PKNOX2: variants seen among roughly 807,000 people sequenced by gnomAD.
The protein encoded by PKNOX2 is PBX/knotted 1 homeobox 2.
Under a neutral mutation model 53.1 loss-of-function variants are expected in PKNOX2, and 14 were observed. The ratio of observed to expected loss-of-function variants is 0.26; its 90% CI spans 0.17 to 0.41. The LOEUF (loss-of-function observed/expected upper bound fraction) is 0.41, where lower values mean the gene tolerates loss of function less well. Ranked by LOEUF, PKNOX2 falls within the 10% of genes least tolerant of loss-of-function variation. The pLI is 1.00. For missense variants in PKNOX2, 496 were observed against 602.8 expected, an observed-to-expected ratio of 0.82 and a Z score of 1.85; for synonymous variants, 257 against 242.8, an observed-to-expected ratio of 1.06 and a Z score of -0.54.
intron 2 of PKNOX2, among the ~76,000 whole-genome samples, chr11:125,264,467 C>T (rs1465155196): frequency 1.3e-5 from 2 of 152,076 alleles, no homozygotes; most frequent in South Asian, 2.1e-4. Flanking sequence ...GATAGTGTCT[C>T]TTTAGGCCTA....
chr11:125,385,580 T>A lies in PKNOX2; in HGVS notation c.257T>A (p.Leu86Gln). 1 of 1,611,056 alleles carries A rather than the reference T, an allele frequency of 6.2e-7. No individual in the cohort carries two copies. The highest frequency in any genetic ancestry group is 1.7e-5 in the Admixed American group (1 of 59,328). Residue 86 changes from leucine (L) to glutamine (Q), a missense_variant, in exon 6 of 13, where the codon CTG becomes CAG. Physicochemically the swap from Leu to Gln is moderately radical, Grantham distance 113. Around this residue, in one of 5 missense-constraint regions of PKNOX2, gnomAD observed 168 missense variants for 178.4 expected, o/e 0.94. Coordinates refer to ENST00000298282, the MANE Select transcript of PKNOX2 (RefSeq NM_001382323.2). Reference sequence around the variant, plus strand: ...CCTCTTTTCCCGCTCCTGACGCTGCTGTTTGAGAAATGTGAACAGGCCACC... The same window carrying A: ...CCTCTTTTCCCGCTCCTGACGCTGCAGTTTGAGAAATGTGAACAGGCCACC... ...RHPLFPLLTLLFEKCEQATQG... is the reference protein window; with the variant it reads ...RHPLFPLLTLQFEKCEQATQG...
intron 4 of PKNOX2, among the ~76,000 whole-genome samples, chr11:125,354,858 C>T (rs541368163): frequency 9.9e-5 from 15 of 152,266 alleles, no homozygotes; most frequent in African/African-American, 3.1e-4. Context: ...GATGGCTAAG[C>T]GGCTTCTAGC....
intron 1 of PKNOX2, among the ~76,000 whole-genome samples, chr11:125,217,620 T>C (rs1591484297): frequency 6.6e-6 from 1 of 152,128 alleles, no homozygotes; most frequent in East Asian, 1.9e-4. Flanking sequence ...GATTGCCCCA[T>C]GAATATATTT....
At chr11:125,400,412 T>C (rs1381901665) in intron 7 of PKNOX2, among the ~76,000 whole-genome samples, 1 of 152,132 alleles carries the variant, frequency 6.6e-6, no homozygotes, top group Non-Finnish European at 1.5e-5. Flanking sequence ...TGCTGCTGGA[T>C]TCATCTTTCT....
chr11:125,305,696 G>A (rs1454023260), intron 2 of PKNOX2, among the ~76,000 whole-genome samples: 1 of 152,178 alleles, frequency 6.6e-6, no homozygotes, highest in African/African-American at 2.4e-5. Context: ...AAGAAAAATT[G>A]CAGTAACAGC....
intron 2 of PKNOX2, among the ~76,000 whole-genome samples, chr11:125,308,266 G>T (rs1338932063): frequency 1.3e-5 from 2 of 152,156 alleles, no homozygotes; most frequent in Admixed American, 1.3e-4. Context: ...CTTATGTGTG[G>T]GCTGGGCCTG....
At chr11:125,401,202 T>C (rs1403637156) in intron 7 of PKNOX2, among the ~76,000 whole-genome samples, 2 of 151,184 alleles carry the variant, frequency 1.3e-5, no homozygotes, top group African/African-American at 2.4e-5. Context: ...GGCTGAAGAA[T>C]TGGAGGAAAA....
Position 125,431,442 on chromosome 11 carries a change from G to C in PKNOX2, c.*50G>C. 7.4e-7 allele frequency: 1 copy of C among 1,346,574 alleles called. No individual in the cohort carries two copies. Among genetic ancestry groups the C allele is most frequent in the Non-Finnish European group, 9.8e-7 (1 of 1,015,444 alleles). The allele number at this position is 1,346,574 out of a possible 1,614,324, so 83.4% of individuals were successfully genotyped here. On this transcript the variant is annotated 3_prime_UTR_variant, in exon 13 of 13. Coordinates refer to ENST00000298282, the MANE Select transcript of PKNOX2 (RefSeq NM_001382323.2). ...CACTGAGCAGGAGAGGAGTGTCGCC[G>C]GGAGGCCTTCAGGGTGGGGGGGAAG...
At chr11:125,207,807 A>G (rs542369993) in intron 1 of PKNOX2, among the ~76,000 whole-genome samples, 29 of 152,122 alleles carry the variant, frequency 1.9e-4, no homozygotes, top group African/African-American at 5.5e-4. Flanking sequence ...GCTGTGCCAA[A>G]TGACTCTTGA....
At chr11:125,409,022 T>C (rs1365223418) in intron 7 of PKNOX2, among the ~76,000 whole-genome samples, 1 of 152,188 alleles carries the variant, frequency 6.6e-6, no homozygotes. Context: ...GTCGCCGAAA[T>C]GGCCATTGGA....
intron 2 of PKNOX2, among the ~76,000 whole-genome samples, chr11:125,317,402 G>T (rs2136044102): frequency 6.6e-6 from 1 of 152,340 alleles, no homozygotes; most frequent in East Asian, 1.9e-4. Context: ...CAGAGGAATT[G>T]CTATCTATGG....
At chr11:125,264,609 T>C (rs1013437653) in intron 2 of PKNOX2, among the ~76,000 whole-genome samples, 1 of 152,056 alleles carries the variant, frequency 6.6e-6, no homozygotes, top group Non-Finnish European at 1.5e-5. Flanking sequence ...CCCAGCTGTC[T>C]TGATCTTCTA....
chr11:125,334,800 TC>T (rs149301986), intron 3 of PKNOX2, among the ~76,000 whole-genome samples: 2,554 of 151,804 alleles, frequency 0.017, 34 homozygotes, highest in Middle Eastern at 0.027. Context: ...GATAGTGTTT[TC>T]CCATGTTCTC....
rs1555172694 is a variant in PKNOX2 at position 125,411,501 on chromosome 11, T to TCTCTCTCTCTCTCTCC, written c.817-236_817-235insTCTCTCCCTCTCTCTC. On this transcript the variant is annotated intron_variant, in intron 9 of 12. Coordinates refer to ENST00000298282, the MANE Select transcript of PKNOX2 (RefSeq NM_001382323.2). ...CTCTCTCTCTCTCTCTCTCTCTCTC[T>TCTCTCTCTCTCTCTCC]CTCTCTCTCCCCCCCTTCCCCATCT... 141 of 451,404 alleles carry TCTCTCTCTCTCTCTCC rather than the reference T, an allele frequency of 3.1e-4. 2 individuals are homozygous for TCTCTCTCTCTCTCTCC. The highest frequency in any genetic ancestry group is 1.4e-3 in the Middle Eastern group (2 of 1,408). The allele number at this position is 451,404 out of a possible 1,614,324, so 28.0% of individuals were successfully genotyped here.
chr11:125,307,274 A>C (rs1948524918), intron 2 of PKNOX2, among the ~76,000 whole-genome samples: 1 of 152,196 alleles, frequency 6.6e-6, no homozygotes, highest in Admixed American at 6.5e-5. Context: ...GATGGACAGG[A>C]CTTGACATTA....
At chr11:125,231,096 G>T (rs1001589234) in intron 1 of PKNOX2, among the ~76,000 whole-genome samples, 3 of 152,290 alleles carry the variant, frequency 2.0e-5, no homozygotes, top group African/African-American at 7.2e-5. Flanking sequence ...GGCATACAGC[G>T]ATTAAAGTTC....
chr11:125,379,747 A>G (rs545375050), intron 5 of PKNOX2, among the ~76,000 whole-genome samples: 3 of 152,272 alleles, frequency 2.0e-5, no homozygotes, highest in Admixed American at 6.5e-5. Flanking sequence ...CTTGGCCCCA[A>G]ACTGGGCATT....
At chr11:125,239,067 C>T (rs1942956865) in intron 2 of PKNOX2, among the ~76,000 whole-genome samples, 2 of 152,202 alleles carry the variant, frequency 1.3e-5, no homozygotes, top group South Asian at 4.1e-4. Context: ...AAGGCTCCAG[C>T]CATTCACTCG....
At chr11:125,311,678 G>A (rs1213434181) in intron 2 of PKNOX2, among the ~76,000 whole-genome samples, 1 of 152,206 alleles carries the variant, frequency 6.6e-6, no homozygotes, top group Non-Finnish European at 1.5e-5. Context: ...ACAGCTTTGT[G>A]TGGTGATTGT....
Sources: gnomAD v4.1 joint callset for allele counts (sites outside exome capture counted in the v4.1 genomes callset) on GRCh38, gnomAD v4.1.1 for gene constraint, gnomAD v4.1.1 regional missense constraint, MANE v1.5 for transcripts, NCBI Gene and HGNC (gene_info 2026-07-23, HGNC 2026-07-21) for gene names.